Variants in FGD4 observed in about 807,000 individuals in gnomAD.
FGD4 encodes the protein FYVE, RhoGEF and PH domain containing 4.
FGD4 carries 42 observed loss-of-function variants against 102.0 expected under a neutral mutation model. The observed-to-expected ratio is 0.41, with a 90% confidence interval of 0.32 to 0.53. The LOEUF is 0.53. Ranked by LOEUF, FGD4 falls within the 20% of genes least tolerant of loss-of-function variation. The pLI is 0.21. For missense variants in FGD4, 902 were observed against 1,078.2 expected (o/e 0.84, Z 2.29); for synonymous variants, 380 against 375.7 (o/e 1.01, Z -0.13).
chr12:32,438,684 C>G (rs1178820961), intron 1 of FGD4, among the ~76,000 whole-genome samples: 1 of 151,322 alleles, frequency 6.6e-6, no homozygotes, highest in Non-Finnish European at 1.5e-5. Context: ...ATCTCAACTG[C>G]AACCTCCACC....
intron 1 of FGD4, among the ~76,000 whole-genome samples, chr12:32,523,447 T>G (rs1940761274): frequency 6.6e-6 from 1 of 152,172 alleles, no homozygotes; most frequent in East Asian, 1.9e-4. Context: ...ATGTAGTAGT[T>G]TTAAGCTAGC....
intron 1 of FGD4, among the ~76,000 whole-genome samples, chr12:32,563,369 C>T (rs1333008174): frequency 4.0e-5 from 6 of 149,680 alleles, no homozygotes; most frequent in South Asian, 4.2e-4. Context: ...GACGGGGTGG[C>T]GGGGCAGAGG....
intron 10 of FGD4, among the ~76,000 whole-genome samples, chr12:32,616,932 G>A (rs1364834675): frequency 6.6e-6 from 1 of 152,194 alleles, no homozygotes; most frequent in Non-Finnish European, 1.5e-5. Context: ...CTGGCATCTG[G>A]TGAGGGCCTT....
chr12:32,537,780 A>T (rs4931015), intron 1 of FGD4, among the ~76,000 whole-genome samples: 120,459 of 152,232 alleles, frequency 0.79, 48,080 homozygotes, highest in African/African-American at 0.89. Flanking sequence ...CAGCTAGCAG[A>T]GTATTAGTGA....
intron 5 of FGD4, among the ~76,000 whole-genome samples, chr12:32,599,975 G>A (rs1267169451): frequency 6.6e-6 from 1 of 152,168 alleles, no homozygotes; most frequent in African/African-American, 2.4e-5. Flanking sequence ...TCCCACTTCT[G>A]CCATTGGAAA....
chr12:32,473,970 C>G (rs1286297523), intron 1 of FGD4, among the ~76,000 whole-genome samples: 1 of 152,014 alleles, frequency 6.6e-6, no homozygotes, highest in African/African-American at 2.4e-5. Flanking sequence ...CGCCTGTAGT[C>G]CCAGCTACTC....
chr12:32,454,772 G>A (rs1299465163), intron 1 of FGD4, among the ~76,000 whole-genome samples: 4 of 152,102 alleles, frequency 2.6e-5, no homozygotes, highest in Admixed American at 1.3e-4. Context: ...TAAATTGACC[G>A]CAGTACAATT....
At position 32,640,462 on chromosome 12, in the gene FGD4, C is replaced by A. The variant is rs1334119843; in HGVS notation, c.2641C>A (p.Pro881Thr). Reference protein sequence around the residue: ...VILLAVTGETPGGPNEHPATL... With the variant: ...VILLAVTGETTGGPNEHPATL... Reference sequence around the variant, plus strand: ...CCTTTTAGCTGTCACAGGTGAGACACCAGGTGGTCCAAATGAGCATCCAGC... The same window carrying A: ...CCTTTTAGCTGTCACAGGTGAGACAACAGGTGGTCCAAATGAGCATCCAGC... Residue 881 changes from proline to threonine, a missense_variant, in exon 17 of 17, where the codon CCA becomes ACA. Pro to Thr is a conservative substitution (Grantham distance 38). This residue lies in a region of FGD4 where 459 missense variants were observed against 619.0 expected (regional missense o/e 0.74). Coordinates refer to ENST00000534526, the MANE Select transcript of FGD4 (RefSeq NM_001370298.3). The A allele has an allele frequency of 1.2e-6, 2 of 1,614,050 alleles. No individual in the cohort carries two copies. The highest frequency in any genetic ancestry group is 2.2e-5 in the South Asian group (2 of 91,068).
At chr12:32,403,698 GT>G (rs1007344995) in intron 1 of FGD4, among the ~76,000 whole-genome samples, 1 of 150,930 alleles carries the variant, frequency 6.6e-6, no homozygotes, top group African/African-American at 2.4e-5. Flanking sequence ...CTGGGCTGAA[GT>G]GATTCTCCTG....
chr12:32,590,344 T>C (rs1391924598), intron 4 of FGD4, among the ~76,000 whole-genome samples: 1 of 150,364 alleles, frequency 6.7e-6, no homozygotes, highest in African/African-American at 2.5e-5. Flanking sequence ...AGGAATGATA[T>C]ATGCATATCA....
At chr12:32,476,621 G>T (rs1051783219) in intron 1 of FGD4, among the ~76,000 whole-genome samples, 3 of 152,182 alleles carry the variant, frequency 2.0e-5, no homozygotes, top group Non-Finnish European at 4.4e-5. Flanking sequence ...GCTAGGTGCA[G>T]GGCTATGTGC....
At chr12:32,425,628 T>C (rs763984221) in intron 1 of FGD4, among the ~76,000 whole-genome samples, 4 of 152,226 alleles carry the variant, frequency 2.6e-5, no homozygotes, top group Non-Finnish European at 5.9e-5. Context: ...GGTAGTTTGA[T>C]GGGGATAGCA....
At chr12:32,411,121 G>T (rs567674062) in intron 1 of FGD4, among the ~76,000 whole-genome samples, 2 of 151,342 alleles carry the variant, frequency 1.3e-5, no homozygotes, top group East Asian at 4.0e-4. Context: ...TAGAGACGGG[G>T]TTTTACCAGG....
chr12:32,465,527 G>A (rs1487730197), intron 1 of FGD4, among the ~76,000 whole-genome samples: 3 of 152,052 alleles, frequency 2.0e-5, no homozygotes, highest in Non-Finnish European at 2.9e-5. Flanking sequence ...AATTAGCTGG[G>A]CGTGGTGGCG....
chr12:32,412,756 A>AT (rs1279263489), intron 1 of FGD4, among the ~76,000 whole-genome samples: 2 of 151,706 alleles, frequency 1.3e-5, no homozygotes, highest in South Asian at 2.1e-4. Context: ...AATTTTTTGT[A>AT]TTTTTTGTAG....
intron 1 of FGD4, among the ~76,000 whole-genome samples, chr12:32,552,183 T>G (rs1285831850): frequency 6.6e-6 from 1 of 152,234 alleles, no homozygotes; most frequent in Non-Finnish European, 1.5e-5. Flanking sequence ...ACTCCCACTT[T>G]CCACTCTGGT....
Position 32,508,929 on chromosome 12 carries a change from A to G in FGD4, c.167-55208A>G, listed in dbSNP as rs117485264. On this transcript the variant is annotated intron_variant, in intron 1 of 16. Coordinates refer to ENST00000534526, the MANE Select transcript of FGD4 (RefSeq NM_001370298.3). ...GTGTTTGGGTGCGTGCGCACACACT[A>G]TCACACACAGCTGTTTTCTGTATCT... Among the ~76,000 whole-genome samples the G allele has an allele frequency of 4.6e-3, 701 of 152,364 alleles. 8 individuals are homozygous for G. The highest frequency in any genetic ancestry group is 7.8e-3 in the Non-Finnish European group (529 of 68,038).
intron 2 of FGD4, among the ~76,000 whole-genome samples, chr12:32,568,455 A>T (rs1242898896): frequency 6.6e-6 from 1 of 152,206 alleles, no homozygotes; most frequent in Non-Finnish European, 1.5e-5. Flanking sequence ...CTTCTTGTTC[A>T]CCGCTTTTAA....
At chr12:32,605,372 C>A (rs1948714848) in intron 7 of FGD4, among the ~76,000 whole-genome samples, 1 of 151,946 alleles carries the variant, frequency 6.6e-6, no homozygotes, top group Admixed American at 6.6e-5. Flanking sequence ...CCCTACCTTA[C>A]TGAATATTGG....
Sources: allele counts gnomAD v4.1 joint callset (sites outside exome capture counted in the v4.1 genomes callset), GRCh38; gene constraint gnomAD v4.1.1; regional missense constraint gnomAD v4.1.1; transcripts MANE v1.5; gene names NCBI Gene and HGNC (gene_info 2026-07-23, HGNC 2026-07-21).